NFXL1: variants seen among roughly 807,000 people sequenced by gnomAD.
NFXL1 encodes the protein NF-X1-type zinc finger protein NFXL1.
In NFXL1, 66 loss-of-function variants were observed where a neutral mutation model predicts 123.3. The ratio of observed to expected loss-of-function variants is 0.54; its 90% CI spans 0.44 to 0.66. NFXL1 has a LOEUF of 0.66. Ranked by LOEUF, NFXL1 falls within the 30% of genes least tolerant of loss-of-function variation. The pLI is 0.00. For missense variants in NFXL1, 944 were observed against 1,125.6 expected (o/e 0.84, Z 2.31); for synonymous variants, 346 against 360.8 (o/e 0.96, Z 0.46).
rs1263961225 is a variant in NFXL1 at position 47,851,947 on chromosome 4, AAAC to A, written c.2422-8_2422-6del. ...TACTTTGTTGCACTGCAATTCCTAC[AAAC>A]AACCCGATTTTCAAATTTTAAATGA... On this transcript the variant is annotated splice_polypyrimidine_tract_variant and splice_region_variant and intron_variant, in intron 20 of 22. Transcript: ENST00000507489. 4.4e-6 allele frequency: 7 copies of A among 1,597,386 alleles called. No individual in the cohort carries two copies. The highest frequency in any genetic ancestry group is 1.3e-5 in the African/African-American group (1 of 74,508).
intron 13 of NFXL1, 97 bp downstream of exon 13, chr4:47,885,782 T>C: frequency 7.0e-7 from 1 of 1,431,572 alleles, no homozygotes; most frequent in Non-Finnish European, 9.6e-7. Flanking sequence ...AATATTAATA[T>C]TTTAAAACAC....
At chr4:47,904,923 T>A (rs1490818390) in intron 4 of NFXL1, among the ~76,000 whole-genome samples, 2 of 132,646 alleles carry the variant, frequency 1.5e-5, no homozygotes, top group African/African-American at 5.5e-5. Context: ...TAATAAAATA[T>A]AGTACATTTA....
chr4:47,859,863 A>AAAAAAAC (rs1560581973), intron 19 of NFXL1, among the ~76,000 whole-genome samples: 11 of 47,824 alleles, frequency 2.3e-4, no homozygotes, highest in African/African-American at 6.7e-4. Context: ...AAAAAAAAAA[A>AAAAAAAC]AAAAAAACAA....
chr4:47,898,159 T>A, intron 8 of NFXL1, 78 bp from the exon 9 acceptor site: 1 of 816,850 alleles, frequency 1.2e-6, no homozygotes, highest in Non-Finnish European at 1.9e-6. Context: ...CACAATCCAT[T>A]TTTCAATCAC....
In NFXL1 at chr4:47,879,150, T is replaced by C. The variant is rs751888938; in HGVS notation, c.1917-33A>G. 10 of 980,422 alleles carry C rather than the reference T, an allele frequency of 1.0e-5. No homozygotes were observed. The South Asian group carries it at 1.9e-4, about 18-fold the overall frequency. 60.7% of individuals were successfully genotyped at this position (980,422 alleles called of 1,614,324 possible). ...GAAAAAATAAAATAAAATGAAAACATTACAAATTATTCAAAAATAATACCT... is the reference window on the plus strand; with the variant it reads ...GAAAAAATAAAATAAAATGAAAACACTACAAATTATTCAAAAATAATACCT... On this transcript the variant is annotated intron_variant, in intron 15 of 22. Transcript: ENST00000507489.
chr4:47,853,657 T>C (rs1192009616), intron 20 of NFXL1, among the ~76,000 whole-genome samples: 1 of 152,084 alleles, frequency 6.6e-6, no homozygotes, highest in Non-Finnish European at 1.5e-5. Flanking sequence ...GAAAAAAATA[T>C]ATATACATTG....
intron 18 of NFXL1, among the ~76,000 whole-genome samples, chr4:47,864,771 T>C (rs1734957220): frequency 6.6e-6 from 1 of 152,240 alleles, no homozygotes; most frequent in African/African-American, 2.4e-5. Flanking sequence ...ACCATACCCC[T>C]TCTTTCATAC....
Position 47,847,592 on chromosome 4 carries a change from A to C in NFXL1, c.*571T>G, listed in dbSNP as rs1275041916. 2 of 152,530 alleles carry C rather than the reference A, an allele frequency of 1.3e-5. No individual in the cohort carries two copies. The highest frequency in any genetic ancestry group is 2.9e-5 in the Non-Finnish European group (2 of 68,030). 9.4% of individuals were successfully genotyped at this position (152,530 alleles called of 1,614,324 possible). On this transcript the variant is annotated 3_prime_UTR_variant, in exon 23 of 23. Transcript: ENST00000507489. Reference sequence around the variant, plus strand: ...GAATCTAGCCTGGCATTTGTTGAAAATAACTATATATTCTGAAGAACACGC... The same window carrying C: ...GAATCTAGCCTGGCATTTGTTGAAACTAACTATATATTCTGAAGAACACGC...
At chr4:47,850,850 T>C (rs1245930843) in intron 22 of NFXL1, among the ~76,000 whole-genome samples, 1 of 152,056 alleles carries the variant, frequency 6.6e-6, no homozygotes, top group African/African-American at 2.4e-5. Flanking sequence ...TGGATGATAT[T>C]GGCAAGAAAG....
chr4:47,881,766 A>AAG (rs780309768), intron 15 of NFXL1, among the ~76,000 whole-genome samples: 1 of 152,300 alleles, frequency 6.6e-6, no homozygotes, highest in South Asian at 2.1e-4. Context: ...TTGCTAAGTG[A>AAG]AGAAGCCAGT....
Position 47,875,197 on chromosome 4 carries a change from A to G in NFXL1, c.2176T>C (p.Cys726Arg), listed in dbSNP as rs1384796727. The G allele has an allele frequency of 6.2e-7, 1 of 1,613,044 alleles. No homozygotes were observed. Among genetic ancestry groups the G allele is most frequent in the East Asian group, 2.2e-5 (1 of 44,848 alleles). ...CTAAGCATCTGAACACAAGGTGGAC[A>G]TTCTCCAGGGTGACATCGCAAAATA... The part of the protein sequence containing the change: ...PCILRCHPGE[C>R]PPCVQMLRIK... The change falls in exon 18 of 23, where the codon TGT becomes CGT. Residue 726 changes from cysteine to arginine, a missense_variant. This residue lies in a region of NFXL1 where 301 missense variants were observed against 348.0 expected (regional missense o/e 0.86). Coordinates refer to ENST00000507489, the MANE Select transcript of NFXL1 (RefSeq NM_001278624.2).
intron 11 of NFXL1, among the ~76,000 whole-genome samples, chr4:47,891,804 T>C (rs113884107): frequency 6.6e-6 from 1 of 152,120 alleles, no homozygotes; most frequent in African/African-American, 2.4e-5. Flanking sequence ...GGCATGGTAG[T>C]GCGTGCCTGT....
chr4:47,862,815 A>G, intron 19 of NFXL1, 31 bp downstream of exon 19: 2 of 1,195,398 alleles, frequency 1.7e-6, no homozygotes, highest in Non-Finnish European at 1.2e-6. Flanking sequence ...TGCCCAAGGA[A>G]TACAATTTAA....
chr4:47,882,673 C>G (rs1321898449), intron 15 of NFXL1, among the ~76,000 whole-genome samples: 6 of 152,064 alleles, frequency 3.9e-5, no homozygotes, highest in African/African-American at 1.2e-4. Context: ...ACAAAATGTT[C>G]TTTTCAGACT....
chr4:47,855,437 T>C (rs1337533622), intron 19 of NFXL1, among the ~76,000 whole-genome samples: 1 of 151,966 alleles, frequency 6.6e-6, no homozygotes, highest in Non-Finnish European at 1.5e-5. Flanking sequence ...TAGCTAGTTA[T>C]AGCCATATAA....
At chr4:47,878,148 A>T (rs979208188) in intron 17 of NFXL1, among the ~76,000 whole-genome samples, 5 of 152,048 alleles carry the variant, frequency 3.3e-5, no homozygotes, top group Admixed American at 1.3e-4. Flanking sequence ...AGGTTTGAAA[A>T]CTAACTTAGA....
At position 47,878,460 on chromosome 4, in the gene NFXL1, A is replaced by G. The variant is rs1187311931; in HGVS notation, c.2079+65T>C. On this transcript the variant is annotated intron_variant, in intron 17 of 22. Transcript: ENST00000507489. ...AGCAAAACAGAAAAATATTTATGGTATAACTGTTGAAAAAACGTTTCAAGA... is the reference window on the plus strand; with the variant it reads ...AGCAAAACAGAAAAATATTTATGGTGTAACTGTTGAAAAAACGTTTCAAGA... The G allele has an allele frequency of 4.9e-6, 6 of 1,227,920 alleles. No individual in the cohort carries two copies. In the Admixed American group the frequency reaches 7.7e-5, roughly 16 times the overall value. 76.1% of individuals were successfully genotyped at this position (1,227,920 alleles called of 1,614,324 possible). A position where few individuals can be genotyped will look rare whatever the true frequency, so the allele number is the denominator to read the frequency against.
rs78436236 is a variant in NFXL1 at position 47,862,652 on chromosome 4, A to C, written c.2316+194T>G. On this transcript the variant is annotated intron_variant, in intron 19 of 22. Transcript: ENST00000507489. Reference sequence around the variant, plus strand: ...AATTGCTTTCTTAAAAAAAATCTTCAAAGGGTCATTTCAGGTCCTAATATC... The same window carrying C: ...AATTGCTTTCTTAAAAAAAATCTTCCAAGGGTCATTTCAGGTCCTAATATC... Among the ~76,000 whole-genome samples the C allele has an allele frequency of 5.0e-3, 760 of 152,326 alleles. 43 individuals carry two copies. In the East Asian group the frequency reaches 0.12, roughly 24 times the overall value.
At chr4:47,859,636 T>A (rs1484019999) in intron 19 of NFXL1, among the ~76,000 whole-genome samples, 1 of 149,946 alleles carries the variant, frequency 6.7e-6, no homozygotes, top group Non-Finnish European at 1.5e-5. Flanking sequence ...AGTTCAGGGG[T>A]TCAAGACCAG....
Sources: allele counts gnomAD v4.1 joint callset (sites outside exome capture counted in the v4.1 genomes callset), GRCh38; gene constraint gnomAD v4.1.1; regional missense constraint gnomAD v4.1.1; transcripts MANE v1.5; gene names NCBI Gene and HGNC (gene_info 2026-07-23, HGNC 2026-07-21).